Variants in GPR19 observed in about 807,000 individuals in gnomAD.
GPR19 encodes probable G protein-coupled receptor 19.
Under a neutral mutation model 28.5 loss-of-function variants are expected in GPR19, and 14 were observed. The observed-to-expected ratio is 0.49, with a 90% CI of 0.32 to 0.77. The LOEUF is 0.77. GPR19 is among the 30% of genes least tolerant of loss of function. GPR19 has a pLI of 0.03. For missense variants in GPR19, 409 were observed against 504.1 expected (o/e 0.81, Z 1.81); for synonymous variants, 173 against 184.1 (o/e 0.94, Z 0.49).
At chr12:12,708,576 C>T in the GPR19 span, among the ~76,000 whole-genome samples, 1 of 152,202 alleles carries the variant, frequency 6.6e-6, no homozygotes, top group Non-Finnish European at 1.5e-5. Flanking sequence ...ATTCTGGACT[C>T]AGCTTAAGTA....
intron 1 of GPR19, 73 bp from the exon 2 acceptor site, chr12:12,695,584 C>T (rs1388604556): frequency 6.6e-6 from 1 of 152,212 alleles, no homozygotes; most frequent in South Asian, 2.1e-4. Context: ...TCTGTTACCG[C>T]GACTGTTCTT....
chr12:12,685,553 C>T (rs1433925237), intron 2 of GPR19, among the ~76,000 whole-genome samples: 2 of 152,000 alleles, frequency 1.3e-5, no homozygotes, highest in Non-Finnish European at 2.9e-5. Context: ...TAAAACCGGT[C>T]GCCATGGGAG....
At chr12:12,703,505 A>T in the GPR19 span, 1 of 767,718 alleles carries the variant, frequency 1.3e-6, no homozygotes, top group Non-Finnish European at 1.6e-6. Context: ...CATCTTTGCC[A>T]TAGAAGCCTA....
At chr12:12,666,711 C>T (rs891105441) in intron 3 of GPR19, among the ~76,000 whole-genome samples, 4 of 152,298 alleles carry the variant, frequency 2.6e-5, no homozygotes, top group African/African-American at 9.6e-5. Context: ...TCGATGTTTA[C>T]TAAATTGGAT....
the GPR19 span, chr12:12,715,755 C>A: frequency 6.6e-6 from 1 of 152,232 alleles, no homozygotes; most frequent in Non-Finnish European, 1.5e-5. Flanking sequence ...CCGGTACCAA[C>A]CGAATGCATG....
intron 3 of GPR19, chr12:12,669,157 A>C (rs1243588187): frequency 6.6e-6 from 1 of 152,262 alleles, no homozygotes; most frequent in Non-Finnish European, 1.5e-5. Context: ...GCTCAGAAAT[A>C]TGTGACATAG....
intron 3 of GPR19, among the ~76,000 whole-genome samples, chr12:12,680,488 T>C (rs921842328): frequency 6.6e-6 from 1 of 152,202 alleles, no homozygotes; most frequent in African/African-American, 2.4e-5. Flanking sequence ...ATATTCATGA[T>C]GGTAACTGCC....
Position 12,661,374 on chromosome 12 carries a change from T to C in GPR19, c.1075A>G (p.Thr359Ala). 1 of 1,613,926 alleles carries C rather than the reference T, an allele frequency of 6.2e-7. No homozygotes were observed. Among genetic ancestry groups the C allele is most frequent in the Non-Finnish European group, 8.5e-7 (1 of 1,179,796 alleles). ...SMKCYRSNAY[T>A]ITTSSRMAKK... ...GCCATCCTTGAACTTGTTGTGATAGTATAGGCATTGCTTCGGTAACATTTC... is the reference window on the plus strand; with the variant it reads ...GCCATCCTTGAACTTGTTGTGATAGCATAGGCATTGCTTCGGTAACATTTC... Residue 359 changes from threonine (T) to alanine (A), a missense_variant, in exon 4 of 4, where the codon ACT becomes GCT. By Grantham distance (58) the Thr-to-Ala change is moderately conservative. Coordinates refer to ENST00000651487, the MANE Select transcript of GPR19 (RefSeq NM_006143.3). This position sits in a 1 kb window ranked among gnomAD's most constrained non-coding sequence, Gnocchi z 4.2.
the GPR19 span, among the ~76,000 whole-genome samples, chr12:12,716,332 T>G: frequency 2.0e-5 from 3 of 152,330 alleles, no homozygotes; most frequent in Admixed American, 2.0e-4. Context: ...AATATTGTTC[T>G]GAGTTTGTTG....
the GPR19 span, among the ~76,000 whole-genome samples, chr12:12,705,044 G>A: frequency 6.6e-6 from 1 of 152,064 alleles, no homozygotes; most frequent in South Asian, 2.1e-4. Context: ...GCAGATTATC[G>A]AGGTTTGGAG....
chr12:12,715,364 C>T, the GPR19 span, among the ~76,000 whole-genome samples: 1 of 152,196 alleles, frequency 6.6e-6, no homozygotes, highest in Admixed American at 6.5e-5. Context: ...AGACCTCTTG[C>T]TTGATCCTAG....
At chr12:12,717,171 C>T in the GPR19 span, 4 of 1,039,636 alleles carry the variant, frequency 3.8e-6, no homozygotes, top group Admixed American at 5.6e-5. Context: ...GCAGCAGTAC[C>T]CCTCCAGCAG....
At chr12:12,704,456 C>T in the GPR19 span, among the ~76,000 whole-genome samples, 2 of 152,104 alleles carry the variant, frequency 1.3e-5, no homozygotes, top group East Asian at 1.9e-4. Context: ...GAGCCGAGAT[C>T]GTGCCACTGC....
intron 2 of GPR19, 146 bp from the exon 3 acceptor site, chr12:12,684,653 G>A (rs1946068940): frequency 6.6e-6 from 1 of 152,194 alleles, no homozygotes; most frequent in Non-Finnish European, 1.5e-5. Flanking sequence ...GGCTGAAGGG[G>A]AGAATGTGGC....
At chr12:12,666,859 C>G (rs998243411) in intron 3 of GPR19, among the ~76,000 whole-genome samples, 10 of 152,236 alleles carry the variant, frequency 6.6e-5, no homozygotes, top group Non-Finnish European at 1.2e-4. Context: ...GAAAACATGA[C>G]TCCTGATAAA....
the GPR19 span, among the ~76,000 whole-genome samples, chr12:12,705,515 T>G: frequency 6.6e-6 from 1 of 152,124 alleles, no homozygotes; most frequent in South Asian, 2.1e-4. Flanking sequence ...CAAAAATGGT[T>G]ACTTTTAAAG....
At chr12:12,707,864 A>C in the GPR19 span, among the ~76,000 whole-genome samples, 1 of 151,864 alleles carries the variant, frequency 6.6e-6, no homozygotes, top group Non-Finnish European at 1.5e-5. Context: ...CATTACAGGC[A>C]TGAGTCACTG....
upstream of GPR19, among the ~76,000 whole-genome samples, chr12:12,700,938 C>T (rs1437562555): frequency 5.3e-5 from 8 of 152,114 alleles, no homozygotes; most frequent in Admixed American, 2.0e-4. Context: ...CCTAAATTGT[C>T]GAATGTTTCT....
intron 2 of GPR19, among the ~76,000 whole-genome samples, chr12:12,686,416 A>G (rs1177694421): frequency 1.3e-5 from 2 of 152,234 alleles, no homozygotes; most frequent in African/African-American, 4.8e-5. Flanking sequence ...AAAAAGTTAG[A>G]TATTGAAGAA....
Sources: gnomAD v4.1 joint callset for allele counts (sites outside exome capture counted in the v4.1 genomes callset) on GRCh38, gnomAD v4.1.1 for gene constraint, Gnocchi (gnomAD v3.1) non-coding constraint, MANE v1.5 for transcripts, NCBI Gene and HGNC (gene_info 2026-07-23, HGNC 2026-07-21) for gene names.